Variants in CHMP4A observed in about 807,000 individuals in gnomAD.
The protein encoded by CHMP4A is SNF7 homolog associated with Alix-2.
A neutral mutation model predicts 28.2 loss-of-function variants in CHMP4A; 29 were observed. That is an observed-to-expected ratio of 1.03 (90% confidence interval 0.77 to 1.40). CHMP4A has a LOEUF of 1.40. Ranked by LOEUF, CHMP4A falls within the 40% of genes most tolerant of loss-of-function variation. CHMP4A has a pLI of 0.00. For missense variants in CHMP4A, 241 were observed against 263.5 expected (o/e 0.91, Z 0.59); for synonymous variants, 88 against 99.3 (o/e 0.89, Z 0.67).
intron 1 of CHMP4A, chr14:24,212,030 G>A (rs2039596190): frequency 2.0e-6 from 1 of 509,986 alleles, no homozygotes. Context: ...AAGAGATTGT[G>A]CAGGAATCAA....
intron 3 of CHMP4A, 26 bp from the exon 4 acceptor site, chr14:24,210,794 A>G: frequency 6.4e-7 from 1 of 1,551,978 alleles, no homozygotes; most frequent in Non-Finnish European, 8.9e-7. Flanking sequence ...ATAGCTAAGA[A>G]ATCACGCAAC....
At chr14:24,211,293 T>C in intron 3 of CHMP4A, 122 bp downstream of exon 3, 4 of 848,482 alleles carry the variant, frequency 4.7e-6, no homozygotes, top group Admixed American at 2.9e-5. Context: ...CAGATGGATG[T>C]CTAGCCATCA....
chr14:24,211,448 G>A lies in CHMP4A; in HGVS notation c.326C>T (p.Ala109Val), dbSNP rs371123322. The change falls in exon 3 of 6, where the codon GCT (alanine) becomes GTT (valine). Residue 109 changes from alanine to valine, a missense_variant. By Grantham distance (64) the Ala-to-Val change is moderately conservative. Transcript: ENST00000347519. Reference sequence around the variant, plus strand: ...GTAGGCCTTCTTCATGCTTTGGGCAGCAAGCTCCATGGTACGAAGGACTTC... The same window carrying A: ...GTAGGCCTTCTTCATGCTTTGGGCAACAAGCTCCATGGTACGAAGGACTTC... Reference protein sequence around the residue: ...NAEVLRTMELAAQSMKKAYQD... With the variant: ...NAEVLRTMELVAQSMKKAYQD... 1.6e-5 allele frequency: 26 copies of A among 1,611,026 alleles called. No individual in the cohort carries two copies. The highest frequency in any genetic ancestry group is 2.2e-5 in the South Asian group (2 of 90,978).
rs767737451 is a variant in CHMP4A at position 24,211,500 on chromosome 14, C to CCT, written c.272_273dup (p.Ala92ArgfsTer23). The CCT allele has an allele frequency of 1.7e-5, 28 of 1,614,104 alleles. No homozygotes were observed. The highest frequency in any genetic ancestry group is 2.4e-5 in the Non-Finnish European group (28 of 1,179,998). On this transcript the variant is annotated frameshift_variant, in exon 3 of 6. Coordinates refer to ENST00000347519, the MANE Select transcript of CHMP4A (RefSeq NM_014169.5). LOFTEE classifies it high-confidence loss of function. ...GCATTGGTAGTGGCATTCTCAATGGCCTCACGCTGAAACTCCAGGGTGGAT... is the reference window on the plus strand; with the variant it reads ...GCATTGGTAGTGGCATTCTCAATGGCCTCTCACGCTGAAACTCCAGGGTGGAT...
rs1249643023 is a variant in CHMP4A, at chr14:24,209,645, G to A, written c.*232C>T. Reference sequence around the variant, plus strand: ...TCTGCCCAGTTTTATTGGGAACAAGGGCATTATAACTGCTATCAAAGAGAA... The same window carrying A: ...TCTGCCCAGTTTTATTGGGAACAAGAGCATTATAACTGCTATCAAAGAGAA... On this transcript the variant is annotated 3_prime_UTR_variant, in exon 6 of 6. Transcript: ENST00000347519. 2 of 525,858 alleles carry A rather than the reference G, an allele frequency of 3.8e-6. No homozygotes were observed. The highest frequency in any genetic ancestry group is 6.9e-6 in the Non-Finnish European group (2 of 290,476). 32.6% of individuals were successfully genotyped at this position (525,858 alleles called of 1,614,324 possible). A position where few individuals can be genotyped will look rare whatever the true frequency, so the allele number is the denominator to read the frequency against.
chr14:24,211,650 C>T (rs2039591930), intron 2 of CHMP4A, 30 bp downstream of exon 2: 1 of 1,611,740 alleles, frequency 6.2e-7, no homozygotes, highest in Non-Finnish European at 8.5e-7. Context: ...CCCATCTGGG[C>T]CCTCCCCATA....
At position 24,211,312 on chromosome 14, in the gene CHMP4A, T is replaced by A. The variant is rs566788599; in HGVS notation, c.359+103A>T. On this transcript the variant is annotated intron_variant, in intron 3 of 5. Transcript: ENST00000347519. ...TGGATGTCTAGCCATCACAAGTATC[T>A]ATACTGCAAATTCACATTCTGAGAG... 116 of 1,049,760 alleles carry A rather than the reference T, an allele frequency of 1.1e-4. No individual in the cohort carries two copies. The African/African-American group carries it at 1.8e-3, about 16-fold the overall frequency. The allele number at this position is 1,049,760 out of a possible 1,614,324, so 65.0% of individuals were successfully genotyped here. A position where few individuals can be genotyped will look rare whatever the true frequency, so the allele number is the denominator to read the frequency against.
At chr14:24,212,583 C>A in intron 1 of CHMP4A, 1 of 398,796 alleles carries the variant, frequency 2.5e-6, no homozygotes, top group Non-Finnish European at 4.8e-6. Flanking sequence ...AGAATGGAGT[C>A]TCCCTCTGTC....
chr14:24,211,589 G>GC lies in CHMP4A; in HGVS notation c.184dup (p.Ala62GlyfsTer19). The stretch of plus-strand genomic sequence containing the variant: ...TTTCTTCCTCCGCAAAGCCTGTAGG[G>GC]CAGCTGACCCAGCCCATACCCTGAA... On this transcript the variant is annotated frameshift_variant, in exon 3 of 6. Coordinates refer to ENST00000347519, the MANE Select transcript of CHMP4A (RefSeq NM_014169.5). LOFTEE classifies it high-confidence loss of function. 8 of 1,611,920 alleles carry GC rather than the reference G, an allele frequency of 5.0e-6. No individual in the cohort carries two copies. Among genetic ancestry groups the GC allele is most frequent in the Non-Finnish European group, 5.9e-6 (7 of 1,178,070 alleles).
Position 24,210,663 on chromosome 14 carries a change from A to G in CHMP4A, c.465T>C (p.Asp155=). The part of the protein sequence containing the change: ...AISRPMGFGD[D]VDEDELLEEL... ...CTTCACCCCCAATCACCTCATCCAC[A>G]TCATCTCCAAAGCCCATAGGCCGAG... Residue 155 remains aspartate, a synonymous_variant, in exon 4 of 6, where the codon GAT becomes GAC. Coordinates refer to ENST00000347519, the MANE Select transcript of CHMP4A (RefSeq NM_014169.5). 1 of 1,612,926 alleles carries G rather than the reference A, an allele frequency of 6.2e-7. No individual in the cohort carries two copies. Among genetic ancestry groups the G allele is most frequent in the East Asian group, 2.2e-5 (1 of 44,866 alleles).
chr14:24,210,635 A>AC lies in CHMP4A; in HGVS notation c.474+18dup, dbSNP rs757883054. 1 of 1,604,536 alleles carries AC rather than the reference A, an allele frequency of 6.2e-7. No individual in the cohort carries two copies. Among genetic ancestry groups the AC allele is most frequent in the East Asian group, 2.2e-5 (1 of 44,836 alleles). On this transcript the variant is annotated intron_variant, in intron 4 of 5. Transcript: ENST00000347519. ...CCCATACTTTCTGCAATATTCCCTG[A>AC]CCCTTCACCCCCAATCACCTCATCC... is the stretch of plus-strand genomic sequence containing the variant.
rs1268956735 is a variant in CHMP4A, at chr14:24,210,354, C to G, written c.604G>C (p.Gly202Arg). 6.2e-7 allele frequency: 1 copy of G among 1,613,918 alleles called. No individual in the cohort carries two copies. The highest frequency in any genetic ancestry group is 1.1e-5 in the South Asian group (1 of 91,064). Residue 202 changes from glycine to arginine, a missense_variant, in exon 5 of 6, where the codon GGG becomes CGG. Physicochemically the swap from Gly to Arg is moderately radical, Grantham distance 125. Transcript: ENST00000347519. ...PSVPSTHLPA[G>R]PAPKVDEDEE... ...ACAGAACAACCCTGCATACCTGGCC[C>G]TGCCGGCAGATGAGTAGAAGGTACA...
chr14:24,211,629 A>G, intron 2 of CHMP4A, 37 bp from the exon 3 acceptor site: 1 of 1,610,574 alleles, frequency 6.2e-7, no homozygotes, highest in South Asian at 1.1e-5. Context: ...AAGAGTCAGA[A>G]GCACCTGCTT....
Position 24,211,475 on chromosome 14 carries a change from G to C in CHMP4A, c.299C>G (p.Ala100Gly), listed in dbSNP as rs751117443. The C allele has an allele frequency of 2.5e-6, 4 of 1,614,016 alleles. No individual in the cohort carries two copies. The Admixed American group carries it at 6.7e-5, about 27-fold the overall frequency. ...AAGCTCCATGGTACGAAGGACTTCTGCATTGGTAGTGGCATTCTCAATGGC... is the reference window on the plus strand; with the variant it reads ...AAGCTCCATGGTACGAAGGACTTCTCCATTGGTAGTGGCATTCTCAATGGC... The part of the protein sequence containing the change: ...REAIENATTN[A>G]EVLRTMELAA... Residue 100 changes from alanine to glycine, a missense_variant, in exon 3 of 6, where the codon GCA becomes GGA. Coordinates refer to ENST00000347519, the MANE Select transcript of CHMP4A (RefSeq NM_014169.5).
chr14:24,212,713 A>G (rs1410895091), intron 1 of CHMP4A: 1 of 96,546 alleles, frequency 1.0e-5, no homozygotes, highest in South Asian at 1.2e-4. Flanking sequence ...GTGCCACCAC[A>G]ACCAGCTAAT....
rs1393090952 is a variant in CHMP4A at position 24,211,727 on chromosome 14, T to C, written c.134A>G (p.Gln45Arg). Residue 45 changes from glutamine to arginine, a missense_variant, in exon 2 of 6, where the codon CAA (glutamine) becomes CGA (arginine). Coordinates refer to ENST00000347519, the MANE Select transcript of CHMP4A (RefSeq NM_014169.5). ...CTTCTTGGCTGTTTGTAGCTCCTGT[T>C]GAATCTTCTGCTCCAAAAATTCCTG... Reference protein sequence around the residue: ...KKQEFLEQKIQQELQTAKKYG... With the variant: ...KKQEFLEQKIRQELQTAKKYG... 6.2e-7 allele frequency: 1 copy of C among 1,614,244 alleles called. No individual in the cohort carries two copies. Among genetic ancestry groups the C allele is most frequent in the Non-Finnish European group, 8.5e-7 (1 of 1,180,036 alleles).
chr14:24,213,411 T>C lies in CHMP4A; in HGVS notation c.29A>G (p.Lys10Arg). 6.2e-7 allele frequency: 1 copy of C among 1,602,694 alleles called. No individual in the cohort carries two copies. The highest frequency in any genetic ancestry group is 1.7e-5 in the Admixed American group (1 of 58,260). MSGLGRLFG[K>R]GKKEKGPTPE... Reference sequence around the variant, plus strand: ...TGGCCAGTCCCACCCTGGCTCACCCTTCCCGAAGAGCCTGCCGAGACCACT... The same window carrying C: ...TGGCCAGTCCCACCCTGGCTCACCCCTCCCGAAGAGCCTGCCGAGACCACT... Residue 10 changes from lysine to arginine, a missense_variant and splice_region_variant, in exon 1 of 6, where the codon AAG becomes AGG. Physicochemically the swap from Lys to Arg is conservative, Grantham distance 26. Coordinates refer to ENST00000347519, the MANE Select transcript of CHMP4A (RefSeq NM_014169.5).
intron 1 of CHMP4A, chr14:24,212,959 C>T (rs1218652967): frequency 6.1e-6 from 1 of 164,122 alleles, no homozygotes; most frequent in Non-Finnish European, 1.3e-5. Flanking sequence ...GTCGGCCTCC[C>T]AAAGTGTTGC....
At position 24,210,702 on chromosome 14, in the gene CHMP4A, G is replaced by C. The variant is rs777582416; in HGVS notation, c.426C>G (p.Ile142Met). 1 of 1,614,106 alleles carries C rather than the reference G, an allele frequency of 6.2e-7. No homozygotes were observed. The highest frequency in any genetic ancestry group is 1.1e-5 in the South Asian group (1 of 91,070). ...ITEQQEVAQQ[I>M]SDAISRPMGF... ...CCATAGGCCGAGAAATGGCATCTGA[G>C]ATCTGCTGGGCCACCTCCTGTTGTT... The change falls in exon 4 of 6, where the codon ATC becomes ATG. Residue 142 changes from isoleucine (I) to methionine (M), a missense_variant. Physicochemically the swap from Ile to Met is conservative, Grantham distance 10 (BLOSUM62 1). Transcript: ENST00000347519.
Sources: gnomAD v4.1 joint callset for allele counts on GRCh38, gnomAD v4.1.1 for gene constraint, MANE v1.5 for transcripts, NCBI Gene and HGNC (gene_info 2026-07-23, HGNC 2026-07-21) for gene names.